PHIP: variants seen among roughly 807,000 people sequenced by gnomAD.
PHIP encodes PH-interacting protein.
PHIP carries 54 observed loss-of-function variants against 236.8 expected under a neutral mutation model. The observed-to-expected ratio is 0.23, with a 90% CI of 0.18 to 0.29. The LOEUF is 0.29. Ranked by LOEUF, PHIP falls within the 10% of genes least tolerant of loss-of-function variation. The pLI is 1.00. For missense variants in PHIP, 1,370 were observed against 2,190.8 expected (o/e 0.63, Z 7.48); for synonymous variants, 756 against 718.9 (o/e 1.05, Z -0.83).
intron 27 of PHIP, among the ~76,000 whole-genome samples, chr6:78,968,994 C>G (rs776985099): frequency 6.6e-5 from 10 of 152,160 alleles, no homozygotes; most frequent in Non-Finnish European, 1.5e-4. Flanking sequence ...TTTTCCTGTT[C>G]TGGACTTCCT....
rs1190018352 is a variant in PHIP at position 78,936,455 on chromosome 6, C to T, written c.*4238G>A. 1.3e-5 allele frequency: 2 copies of T among 151,874 alleles called. No individual in the cohort carries two copies. Among genetic ancestry groups the T allele is most frequent in the East Asian group, 1.9e-4 (1 of 5,206 alleles). 9.4% of individuals were successfully genotyped at this position (151,874 alleles called of 1,614,324 possible). A position where few individuals can be genotyped will look rare whatever the true frequency, so the allele number is the denominator to read the frequency against. ...TCTATCATTGTGACTAATCAACACA[C>T]ACAATCTTAAAGTAACCAGCATGTG... On this transcript the variant is annotated 3_prime_UTR_variant, in exon 40 of 40. Coordinates refer to ENST00000275034, the MANE Select transcript of PHIP (RefSeq NM_017934.7).
At chr6:79,029,000 C>T in intron 7 of PHIP, among the ~76,000 whole-genome samples, 1 of 152,194 alleles carries the variant, frequency 6.6e-6, no homozygotes, top group Non-Finnish European at 1.5e-5. Flanking sequence ...GGAAGTCCTA[C>T]TATATTCCTA....
At chr6:79,052,463 A>G (rs1772841920) in intron 6 of PHIP, among the ~76,000 whole-genome samples, 1 of 152,194 alleles carries the variant, frequency 6.6e-6, no homozygotes, top group Non-Finnish European at 1.5e-5. Flanking sequence ...TAGGTTAGGT[A>G]TTTTGGACTA....
rs576091047 is a variant in PHIP at position 78,968,500 on chromosome 6, T to C, written c.3205+1335A>G. On this transcript the variant is annotated intron_variant, in intron 27 of 39. Transcript: ENST00000275034. ...CAACTTTTCACATCGGGGGGTTCCG[T>C]AGGATCAATTCTGGAACCTATGTAT... Among the ~76,000 whole-genome samples, 8 of 152,336 alleles carry C rather than the reference T, an allele frequency of 5.3e-5. No homozygotes were observed. The East Asian group carries it at 1.4e-3, about 26-fold the overall frequency.
Position 78,971,974 on chromosome 6 carries a change from C to T in PHIP, c.2890-1086G>A, listed in dbSNP as rs569491931. ...GGAGGGGCGCCCACCATTGCCCAGG[C>T]TTGCTTAGGTAAACAAAGCAGCCGG... On this transcript the variant is annotated intron_variant, in intron 24 of 39. Transcript: ENST00000275034. 1.1e-4 allele frequency among the ~76,000 whole-genome samples: 17 copies of T among 152,324 alleles called. No homozygotes were observed. In the East Asian group the frequency reaches 2.3e-3, roughly 21 times the overall value.
intron 9 of PHIP, among the ~76,000 whole-genome samples, chr6:79,022,429 A>G (rs2127745766): frequency 6.6e-6 from 1 of 152,304 alleles, no homozygotes; most frequent in Admixed American, 6.5e-5. Flanking sequence ...TACCTCTAGT[A>G]GTATTTAAAT....
intron 23 of PHIP, among the ~76,000 whole-genome samples, chr6:78,980,710 C>T (rs1008047808): frequency 2.6e-5 from 4 of 152,126 alleles, no homozygotes; most frequent in Admixed American, 6.6e-5. Flanking sequence ...AGAGATCCCA[C>T]AACCCAGGAA....
chr6:79,031,480 T>A lies in PHIP; in HGVS notation c.601-5316A>T, dbSNP rs765816591. 1.1e-3 allele frequency among the ~76,000 whole-genome samples: 167 copies of A among 152,218 alleles called. 1 individual carries two copies. The highest frequency in any genetic ancestry group is 2.8e-4 in the Non-Finnish European group (19 of 68,038). On this transcript the variant is annotated intron_variant, in intron 7 of 39. Transcript: ENST00000275034. ...CAAGGAAGCTAAAAGAGTACATCTC[T>A]ATACTTGAAAACACAACAGCATAGA...
chr6:79,027,073 TAAAG>T, intron 7 of PHIP, among the ~76,000 whole-genome samples: 1 of 152,218 alleles, frequency 6.6e-6, no homozygotes, highest in Non-Finnish European at 1.5e-5. Context: ...ATCTAATTCT[TAAAG>T]AAACACCTTC....
chr6:79,019,114 T>C lies in PHIP; in HGVS notation c.969A>G (p.Gln323=), dbSNP rs201501890. ...KFTERPRPGV[Q]MICSSFSAGG... Reference sequence around the variant, plus strand: ...CAGCACTAAAAGAAGAACAGATCATTTGAACTCCAGGCCGAGGGCGCTCTG... The same window carrying C: ...CAGCACTAAAAGAAGAACAGATCATCTGAACTCCAGGCCGAGGGCGCTCTG... The change falls in exon 10 of 40, where the codon CAA becomes CAG. Residue 323 remains glutamine, a synonymous_variant. Transcript: ENST00000275034. 2.2e-5 allele frequency: 36 copies of C among 1,612,932 alleles called. No homozygotes were observed. In the East Asian group the frequency reaches 7.4e-4, roughly 33 times the overall value.
chr6:78,978,026 T>A (rs1768235865), intron 24 of PHIP, among the ~76,000 whole-genome samples: 2 of 152,144 alleles, frequency 1.3e-5, no homozygotes, highest in Admixed American at 6.5e-5. Flanking sequence ...ACATTAACCT[T>A]GAGTAAAAAA....
chr6:78,963,328 A>G, intron 29 of PHIP, 76 bp from the exon 30 acceptor site: 2 of 1,126,456 alleles, frequency 1.8e-6, no homozygotes, highest in Non-Finnish European at 2.5e-6. Flanking sequence ...ATGTAAAAAT[A>G]ACAGTCACAA....
intron 35 of PHIP, among the ~76,000 whole-genome samples, chr6:78,951,781 T>C (rs558490811): frequency 2.0e-5 from 3 of 152,354 alleles, no homozygotes; most frequent in Non-Finnish European, 4.4e-5. Flanking sequence ...ACTTTCTTTA[T>C]ATAAAAATTC....
chr6:79,051,185 A>T (rs1772776328), intron 6 of PHIP, among the ~76,000 whole-genome samples: 1 of 152,154 alleles, frequency 6.6e-6, no homozygotes, highest in Admixed American at 6.5e-5. Flanking sequence ...TATTCAACAC[A>T]GGTTGGTTTA....
chr6:79,038,998 G>C (rs1772077172), intron 7 of PHIP, among the ~76,000 whole-genome samples: 1 of 152,062 alleles, frequency 6.6e-6, no homozygotes, highest in Non-Finnish European at 1.5e-5. Flanking sequence ...TTTTTAATCT[G>C]TCAATTCCAT....
chr6:79,064,393 A>C (rs1773522028), intron 4 of PHIP, among the ~76,000 whole-genome samples: 1 of 152,122 alleles, frequency 6.6e-6, no homozygotes, highest in Admixed American at 6.5e-5. Context: ...CCTCTCCGGA[A>C]ACATGTTTTT....
intron 32 of PHIP, chr6:78,956,446 CAATTA>C (rs1459321045): frequency 2.0e-5 from 3 of 152,078 alleles, no homozygotes; most frequent in Non-Finnish European, 2.9e-5. Context: ...TCTTCTCTGT[CAATTA>C]AATTAGACAC....
intron 37 of PHIP, 66 bp downstream of exon 37, chr6:78,946,645 C>T: frequency 4.8e-6 from 7 of 1,472,208 alleles, no homozygotes; most frequent in Admixed American, 2.7e-5. Context: ...TATTAAAAAA[C>T]ACCAAGTTCT....
chr6:79,072,822 A>G (rs1773953840), intron 4 of PHIP, among the ~76,000 whole-genome samples: 1 of 152,184 alleles, frequency 6.6e-6, no homozygotes, highest in African/African-American at 2.4e-5. Context: ...GAAAGTATAT[A>G]CATACTTGTG....
Sources: allele counts gnomAD v4.1 joint callset (sites outside exome capture counted in the v4.1 genomes callset), GRCh38; gene constraint gnomAD v4.1.1; transcripts MANE v1.5; gene names NCBI Gene and HGNC (gene_info 2026-07-23, HGNC 2026-07-21).